Variants in TEX11 observed in about 807,000 individuals in gnomAD.
TEX11 encodes testis expressed 11.
In TEX11, 7 loss-of-function variants were observed where a neutral mutation model predicts 84.4. The observed-to-expected ratio is 0.08, with a 90% CI of 0.05 to 0.16. The LOEUF (loss-of-function observed/expected upper bound fraction) is 0.16, where lower values mean the gene tolerates loss of function less well. TEX11 is among the 10% of genes least tolerant of loss of function. TEX11 has a pLI of 1.00. For missense variants in TEX11, 551 were observed against 660.5 expected (o/e 0.83, Z 1.82); for synonymous variants, 264 against 222.8 (o/e 1.18, Z -1.64).
At chrX:70,763,948 G>A (rs1226610352) in intron 9 of TEX11, among the ~76,000 whole-genome samples, 1 of 112,044 alleles carries the variant, frequency 8.9e-6, no homozygotes, top group Non-Finnish European at 1.9e-5. Context: ...AAATCAAAAA[G>A]AAGCATCAGA....
At chrX:70,818,414 T>C (rs1415048116) in intron 8 of TEX11, among the ~76,000 whole-genome samples, 1 of 111,640 alleles carries the variant, frequency 9.0e-6, no homozygotes. Flanking sequence ...TTTGCCTGCA[T>C]CACCCCATGC....
At chrX:70,668,407 CCTTT>C (rs1201074991) in intron 16 of TEX11, among the ~76,000 whole-genome samples, 1 of 111,930 alleles carries the variant, frequency 8.9e-6, no homozygotes, top group Non-Finnish European at 1.9e-5. Flanking sequence ...ATTTTTTTCA[CCTTT>C]CTGTCTGTCC....
intron 26 of TEX11, 47 bp downstream of exon 26, chrX:70,554,604 G>C (rs752683416): frequency 9.1e-7 from 1 of 1,093,673 alleles, no homozygotes; most frequent in East Asian, 3.3e-5. Context: ...AAAGTCATAC[G>C]ATCTAAATGG....
At chrX:70,805,656 C>T (rs936645776) in intron 9 of TEX11, among the ~76,000 whole-genome samples, 4 of 112,126 alleles carry the variant, frequency 3.6e-5, no homozygotes, top group African/African-American at 1.3e-4. Flanking sequence ...CCACCTTGGC[C>T]TCCCAAAGTG....
chrX:70,596,338 C>T, intron 24 of TEX11, among the ~76,000 whole-genome samples: 1 of 111,740 alleles, frequency 8.9e-6, no homozygotes. Flanking sequence ...GTACATTCTT[C>T]TCAAGCACAT....
At chrX:70,624,230 G>C (rs1313719619) in intron 19 of TEX11, among the ~76,000 whole-genome samples, 1 of 111,730 alleles carries the variant, frequency 9.0e-6, no homozygotes, top group Non-Finnish European at 1.9e-5. Context: ...TTTAATAAAA[G>C]AGTTTTAAAA....
rs1819386552 is a variant in TEX11, at chrX:70,884,030, A to G, written c.38-3921T>C. Among the ~76,000 whole-genome samples the G allele has an allele frequency of 2.7e-5, 3 of 112,045 alleles. No homozygotes were observed. In the South Asian group the frequency reaches 1.1e-3, roughly 41 times the overall value. ...GATTTTACTCCAAGTCACAATAATTATATGCAACTTCTTTAGTGAGAAAAG... is the reference window on the plus strand; with the variant it reads ...GATTTTACTCCAAGTCACAATAATTGTATGCAACTTCTTTAGTGAGAAAAG... On this transcript the variant is annotated intron_variant, in intron 2 of 29. Transcript: ENST00000374333.
At chrX:70,609,208 G>A (rs2089231499) in intron 21 of TEX11, 31 bp from the exon 22 acceptor site, 1 of 1,146,285 alleles carries the variant, frequency 8.7e-7, no homozygotes, top group Non-Finnish European at 1.2e-6. Context: ...TGATACTGAT[G>A]GTCTTATTTT....
intron 25 of TEX11, among the ~76,000 whole-genome samples, chrX:70,567,511 A>G (rs1335100530): frequency 3.6e-5 from 4 of 110,807 alleles, no homozygotes; most frequent in Admixed American, 9.7e-5. Flanking sequence ...TGTCAATTTT[A>G]GATCTTTCCT....
At chrX:70,781,994 G>A (rs1225602276) in intron 9 of TEX11, among the ~76,000 whole-genome samples, 1 of 110,747 alleles carries the variant, frequency 9.0e-6, no homozygotes, top group Non-Finnish European at 1.9e-5. Context: ...CTCAAGAAGA[G>A]CAACCACAAG....
downstream of TEX11, among the ~76,000 whole-genome samples, chrX:70,528,446 T>G (rs1469003080): frequency 9.1e-6 from 1 of 109,859 alleles, no homozygotes; most frequent in Admixed American, 9.8e-5. Context: ...GCCTCCCGAG[T>G]AGCTGGGACT....
chrX:70,750,933 A>AAAAAATATATATATAT (rs1390175136), intron 9 of TEX11, among the ~76,000 whole-genome samples: 4 of 28,194 alleles, frequency 1.4e-4, no homozygotes, highest in Non-Finnish European at 2.8e-4. Flanking sequence ...AAAAAAAAAA[A>AAAAAATATATATATAT]ATATATATAT....
chrX:70,872,244 C>T (rs764062786), intron 4 of TEX11, among the ~76,000 whole-genome samples: 3 of 112,061 alleles, frequency 2.7e-5, no homozygotes, highest in African/African-American at 9.7e-5. Flanking sequence ...CTCCTGGGAG[C>T]AATGATATCA....
At chrX:70,713,445 A>G (rs1356568664) in intron 13 of TEX11, among the ~76,000 whole-genome samples, 2 of 111,738 alleles carry the variant, frequency 1.8e-5, no homozygotes, top group East Asian at 5.7e-4. Context: ...TTGGTAAGCT[A>G]TTGATTATTG....
chrX:70,842,433 A>C (rs183025551), intron 7 of TEX11, among the ~76,000 whole-genome samples: 4,075 of 111,001 alleles, frequency 0.037, 180 homozygotes, highest in African/African-American at 0.12. Flanking sequence ...ATTCAACAAC[A>C]CTTCATGCTA....
intron 15 of TEX11, among the ~76,000 whole-genome samples, chrX:70,677,743 T>C (rs1284280300): frequency 9.1e-6 from 1 of 109,842 alleles, no homozygotes; most frequent in East Asian, 2.8e-4. Context: ...TCTTGTGCTA[T>C]ACCCTGGAAA....
rs1227022838 is a variant in TEX11, at chrX:70,778,763, T to TA, written c.692+27941dup. Among the ~76,000 whole-genome samples the TA allele has an allele frequency of 7.2e-5, 8 of 110,976 alleles. No homozygotes were observed. The South Asian group carries it at 1.9e-3, about 26-fold the overall frequency. On this transcript the variant is annotated intron_variant, in intron 9 of 29. Coordinates refer to ENST00000374333, the MANE Select transcript of TEX11 (RefSeq NM_031276.3). ...CTTGAGCTTTTAAAATTTTGAAATT[T>TA]AAAAAAAACTAAAATCATATCAAGT...
intron 16 of TEX11, among the ~76,000 whole-genome samples, chrX:70,664,120 C>T (rs1409252327): frequency 1.8e-5 from 2 of 111,934 alleles, no homozygotes; most frequent in African/African-American, 6.5e-5. Flanking sequence ...ATCTGTACTT[C>T]AGATATATTC....
In TEX11 at chrX:70,529,907, A is replaced by G. The variant is rs372044598; in HGVS notation, c.2613T>C (p.Ala871=). Residue 871 remains alanine, a synonymous_variant, in exon 29 of 30, where the codon GCT becomes GCC. Transcript: ENST00000374333. ...GCAAGGCCAGGCCACACCACTTTTC[A>G]GCAGATGCATACTTGCTCCTGCTAA... ...LMFSRSKYAS[A]EKWCGLALRF... The G allele has an allele frequency of 5.8e-6, 7 of 1,211,573 alleles. No homozygotes were observed. The highest frequency in any genetic ancestry group is 5.2e-5 in the African/African-American group (3 of 57,781).
Sources: gnomAD v4.1 joint callset for allele counts (sites outside exome capture counted in the v4.1 genomes callset) on GRCh38, gnomAD v4.1.1 for gene constraint, MANE v1.5 for transcripts, NCBI Gene and HGNC (gene_info 2026-07-23, HGNC 2026-07-21) for gene names.